The following PRKCE variants were observed in gnomAD, a reference collection of about 807,000 sequenced individuals.
PRKCE encodes the protein protein kinase C epsilon.
Under a neutral mutation model 85.4 loss-of-function variants are expected in PRKCE, and 16 were observed. That is an observed-to-expected ratio of 0.19 (90% CI 0.13 to 0.28). The LOEUF is 0.28. Among genes scored for constraint, PRKCE ranks in the 10% least tolerant of loss-of-function variants. PRKCE has a pLI of 1.00. For missense variants in PRKCE, 573 were observed against 975.2 expected, an observed-to-expected ratio of 0.59 and a Z score of 5.49; for synonymous variants, 388 against 371.5, an observed-to-expected ratio of 1.04 and a Z score of -0.51.
intron 1 of PRKCE, among the ~76,000 whole-genome samples, chr2:45,706,350 A>G (rs969031918): frequency 1.2e-4 from 19 of 152,172 alleles, no homozygotes; most frequent in African/African-American, 3.9e-4. Context: ...GCTGATGGTA[A>G]TGAGAAAATG....
At chr2:46,106,302 A>G (rs1005103023) in intron 11 of PRKCE, among the ~76,000 whole-genome samples, 6 of 152,186 alleles carry the variant, frequency 3.9e-5, no homozygotes, top group Admixed American at 6.5e-5. Flanking sequence ...CTCATTGCTT[A>G]TCTGTGAACT....
chr2:45,776,575 G>C lies in PRKCE; in HGVS notation c.349-66425G>C, dbSNP rs188975899. Among the ~76,000 whole-genome samples, 4 of 152,322 alleles carry C rather than the reference G, an allele frequency of 2.6e-5. No individual in the cohort carries two copies. In the East Asian group the frequency reaches 5.8e-4, roughly 22 times the overall value. The stretch of plus-strand genomic sequence containing the variant: ...ATCTTAAGCTCAGTATTTTCCAGTA[G>C]GTGGTCTGCTCGCAAACTTATTTGC... On this transcript the variant is annotated intron_variant, in intron 1 of 14. Transcript: ENST00000306156.
At chr2:46,120,255 A>G (rs1052982580) in intron 11 of PRKCE, among the ~76,000 whole-genome samples, 14 of 152,206 alleles carry the variant, frequency 9.2e-5, no homozygotes, top group African/African-American at 3.4e-4. Flanking sequence ...GTTCTCAACC[A>G]CTAGTGGTTA....
At chr2:46,082,044 A>G (rs1416264181) in intron 10 of PRKCE, among the ~76,000 whole-genome samples, 1 of 152,216 alleles carries the variant, frequency 6.6e-6, no homozygotes, top group African/African-American at 2.4e-5. Flanking sequence ...CAGTGAGCCA[A>G]GATCACACCA....
chr2:45,999,380 A>T (rs1704482097), intron 6 of PRKCE, among the ~76,000 whole-genome samples: 1 of 152,074 alleles, frequency 6.6e-6, no homozygotes, highest in South Asian at 2.1e-4. Context: ...TGGGGTTTTT[A>T]TCTCAACATT....
intron 5 of PRKCE, among the ~76,000 whole-genome samples, chr2:45,980,701 T>C (rs1445121104): frequency 1.3e-5 from 2 of 152,310 alleles, no homozygotes; most frequent in East Asian, 3.9e-4. Context: ...AATGTGTCAC[T>C]AGCTCCTCAC....
chr2:46,142,358 G>A (rs1392001179), intron 11 of PRKCE, among the ~76,000 whole-genome samples: 1 of 152,126 alleles, frequency 6.6e-6, no homozygotes. Context: ...CCTAACAATC[G>A]CCCTTCTGGC....
intron 2 of PRKCE, among the ~76,000 whole-genome samples, chr2:45,961,139 A>G (rs956630252): frequency 1.3e-5 from 2 of 152,190 alleles, no homozygotes; most frequent in East Asian, 1.9e-4. Context: ...TGATTCTAAT[A>G]TAAGCTGACC....
At chr2:45,987,837 A>G (rs1158948167) in intron 6 of PRKCE, among the ~76,000 whole-genome samples, 1 of 152,090 alleles carries the variant, frequency 6.6e-6, no homozygotes, top group Non-Finnish European at 1.5e-5. Flanking sequence ...TCTCCTCCTT[A>G]AGGCTTCTTG....
intron 11 of PRKCE, among the ~76,000 whole-genome samples, chr2:46,101,790 T>C (rs1426010837): frequency 6.9e-6 from 1 of 145,060 alleles, no homozygotes; most frequent in Non-Finnish European, 1.5e-5. Flanking sequence ...CTCGGTCTCA[T>C]AGCAACACAG....
At chr2:45,858,170 C>T (rs1246069192) in intron 2 of PRKCE, among the ~76,000 whole-genome samples, 1 of 152,232 alleles carries the variant, frequency 6.6e-6, no homozygotes, top group East Asian at 1.9e-4. Flanking sequence ...GCCACTCAAC[C>T]TCTCCCTGCC....
intron 1 of PRKCE, among the ~76,000 whole-genome samples, chr2:45,689,345 G>T (rs1677543690): frequency 6.6e-6 from 1 of 152,146 alleles, no homozygotes; most frequent in African/African-American, 2.4e-5. Flanking sequence ...TGCTGTGGAA[G>T]AATAGAAAGA....
intron 2 of PRKCE, among the ~76,000 whole-genome samples, chr2:45,862,181 TATAC>T (rs1490275834): frequency 1.2e-4 from 17 of 137,422 alleles, no homozygotes; most frequent in Non-Finnish European, 2.5e-4. Context: ...TTTCTTCTTG[TATAC>T]ACACACACAC....
intron 1 of PRKCE, among the ~76,000 whole-genome samples, chr2:45,794,130 A>G (rs188526506): frequency 6.6e-6 from 1 of 152,238 alleles, no homozygotes; most frequent in East Asian, 1.9e-4. Flanking sequence ...GGAATTGTTG[A>G]CCAGTCAATG....
At chr2:45,856,096 A>G (rs1558757030) in intron 2 of PRKCE, among the ~76,000 whole-genome samples, 1 of 152,134 alleles carries the variant, frequency 6.6e-6, no homozygotes, top group African/African-American at 2.4e-5. Flanking sequence ...TAATCGATAC[A>G]TAATAATTGC....
intron 1 of PRKCE, among the ~76,000 whole-genome samples, chr2:45,781,628 C>T (rs1686195319): frequency 6.6e-6 from 1 of 152,130 alleles, no homozygotes; most frequent in Non-Finnish European, 1.5e-5. Context: ...TGATGCAGGG[C>T]CTCCACCCGC....
chr2:45,761,484 C>T (rs544196676), intron 1 of PRKCE, among the ~76,000 whole-genome samples: 6 of 152,252 alleles, frequency 3.9e-5, no homozygotes, highest in African/African-American at 1.2e-4. Flanking sequence ...TTCACAATGA[C>T]GTCCAGAAGT....
At position 46,010,454 on chromosome 2, in the gene PRKCE, G is replaced by A; in HGVS notation, c.1374G>A (p.Arg458=). ...DDVDCTMTEK[R]ILALARKHPY... The stretch of plus-strand genomic sequence containing the variant: ...TGGACTGCACAATGACAGAGAAGAG[G>A]ATTTTGGCTCTGGCACGGAAACACC... The change falls in exon 10 of 15, where the codon AGG becomes AGA. Residue 458 remains arginine, a synonymous_variant. Coordinates refer to ENST00000306156, the MANE Select transcript of PRKCE (RefSeq NM_005400.3). The A allele has an allele frequency of 1.9e-6, 3 of 1,599,660 alleles. No homozygotes were observed. Among genetic ancestry groups the A allele is most frequent in the Non-Finnish European group, 1.7e-6 (2 of 1,179,940 alleles).
At chr2:45,925,442 A>G (rs890717711) in intron 2 of PRKCE, among the ~76,000 whole-genome samples, 3 of 151,984 alleles carry the variant, frequency 2.0e-5, no homozygotes, top group Admixed American at 6.6e-5. Context: ...GATTACAGGC[A>G]CCACCACCAC....
Sources: allele counts gnomAD v4.1 joint callset (sites outside exome capture counted in the v4.1 genomes callset), GRCh38; gene constraint gnomAD v4.1.1; transcripts MANE v1.5; gene names NCBI Gene and HGNC (gene_info 2026-07-23, HGNC 2026-07-21).